Variants in ARHGAP45 observed in about 807,000 individuals in gnomAD.
ARHGAP45 encodes Rho GTPase activating protein 45.
Under a neutral mutation model 116.1 loss-of-function variants are expected in ARHGAP45, and 56 were observed. That is an observed-to-expected ratio of 0.48 (90% CI 0.39 to 0.60). The LOEUF is 0.60. ARHGAP45 is among the 20% of genes least tolerant of loss of function. The pLI, the probability that ARHGAP45 is intolerant of heterozygous loss-of-function variation, is 0.00. For synonymous variants in ARHGAP45, 866 were observed against 701.7 expected (o/e 1.23, Z -3.70); for missense variants, 1,622 against 1,601.0 (o/e 1.01, Z -0.22).
Position 1,067,508 on chromosome 19 carries a change from C to G in ARHGAP45, c.90+13C>G. 6.3e-7 allele frequency: 1 copy of G among 1,585,380 alleles called. No individual in the cohort carries two copies. The highest frequency in any genetic ancestry group is 8.6e-7 in the Non-Finnish European group (1 of 1,166,506). ...GCAGCCCTCGGGGGTGAGTGGAGCC[C>G]GGGTGAGACCCGGAGCTGACGCCGG... On this transcript the variant is annotated intron_variant, in intron 1 of 22. Transcript: ENST00000313093.
Position 1,084,298 on chromosome 19 carries a change from G to C in ARHGAP45, c.3016G>C (p.Glu1006Gln), listed in dbSNP as rs769720722. 10 of 1,612,682 alleles carry C rather than the reference G, an allele frequency of 6.2e-6. No homozygotes were observed. Among genetic ancestry groups the C allele is most frequent in the Admixed American group, 1.7e-5 (1 of 59,838 alleles). ...CCAGGTGCCGTACCTGGAGGCGGGC[G>C]AGGCGGTGGTCTACCCGCTGCAGGA... The part of the protein sequence containing the change: ...VVQVPYLEAG[E>Q]AVVYPLQEAA... The change falls in exon 22 of 23, where the codon GAG (glutamate) becomes CAG (glutamine). Residue 1006 changes from glutamate (E) to glutamine (Q), a missense_variant. By Grantham distance (29) the Glu-to-Gln change is conservative (BLOSUM62 2). Transcript: ENST00000313093.
chr19:1,068,248 G>T lies in ARHGAP45; in HGVS notation c.91-166G>T. Reference sequence around the variant, plus strand: ...TAGGGAAGAGGATGTTGGGTAACAGGTGGGGGGGTACACTACCAAATCTCG... The same window carrying T: ...TAGGGAAGAGGATGTTGGGTAACAGTTGGGGGGGTACACTACCAAATCTCG... On this transcript the variant is annotated intron_variant, in intron 1 of 22. Coordinates refer to ENST00000313093, the MANE Select transcript of ARHGAP45 (RefSeq NM_012292.5). This position sits in a 1 kb window ranked among gnomAD's most constrained non-coding sequence, Gnocchi z 7.5. The T allele has an allele frequency of 1.7e-6, 1 of 597,394 alleles. No individual in the cohort carries two copies. 37.0% of individuals were successfully genotyped at this position (597,394 alleles called of 1,614,324 possible). A position where few individuals can be genotyped will look rare whatever the true frequency, so the allele number is the denominator to read the frequency against.
upstream of ARHGAP45, chr19:1,065,962 G>T: frequency 6.6e-7 from 1 of 1,512,418 alleles, no homozygotes; most frequent in South Asian, 1.2e-5. Context: ...ACAGGCCAGG[G>T]CCGGGCCAGA....
rs1444378035 is a variant in ARHGAP45, at chr19:1,085,953, G to A, written c.3358G>A (p.Gly1120Ser). 9 of 1,612,816 alleles carry A rather than the reference G, an allele frequency of 5.6e-6. No individual in the cohort carries two copies. Among genetic ancestry groups the A allele is most frequent in the Non-Finnish European group, 7.6e-6 (9 of 1,179,940 alleles). Reference protein sequence around the residue: ...QAPLPPMRLRGGRMTLGSCRE... With the variant: ...QAPLPPMRLRSGRMTLGSCRE... ...CCCACTGCCCCCCATGAGGCTCCGT[G>A]GCGGGCGGATGACACTGGGCTCCTG... The change falls in exon 23 of 23, where the codon GGC (glycine) becomes AGC (serine). Residue 1120 changes from glycine to serine, a missense_variant. Gly to Ser is a moderately conservative substitution (Grantham distance 56, BLOSUM62 0). This residue lies in a region of ARHGAP45 where 1,334 missense variants were observed against 1,263.8 expected (regional missense o/e 1.06). Coordinates refer to ENST00000313093, the MANE Select transcript of ARHGAP45 (RefSeq NM_012292.5).
In ARHGAP45 at chr19:1,081,641, A is replaced by G; in HGVS notation, c.2282A>G (p.Gln761Arg). 1 of 1,579,044 alleles carries G rather than the reference A, an allele frequency of 6.3e-7. No homozygotes were observed. ...CAAGGCCGCCTGCAGCTGTTCGGCC[A>G]GGACTTCAGCCACGCGGCCCGCAGC... ...KLQGRLQLFG[Q>R]DFSHAARSAP... Residue 761 changes from glutamine to arginine, a missense_variant, in exon 18 of 23, where the codon CAG becomes CGG. Gln to Arg is a conservative substitution (Grantham distance 43). Around this residue, in one of 3 missense-constraint regions of ARHGAP45, gnomAD observed 1,334 missense variants for 1,263.8 expected, o/e 1.06. Transcript: ENST00000313093.
chr19:1,082,578 C>A, intron 19 of ARHGAP45: 4 of 513,882 alleles, frequency 7.8e-6, no homozygotes, highest in Non-Finnish European at 1.4e-5. Context: ...TGAGTGGAGC[C>A]GGAGCTCGTT....
At chr19:1,074,964 C>A (rs905409939) in intron 10 of ARHGAP45, 85 bp downstream of exon 10, 15 of 1,193,732 alleles carry the variant, frequency 1.3e-5, no homozygotes, top group Non-Finnish European at 1.6e-5. Flanking sequence ...ATAGCGAGGG[C>A]CCTGCGGCGA....
At chr19:1,073,316 C>T (rs367692965) in intron 3 of ARHGAP45, 24 bp downstream of exon 3, 32 of 1,610,618 alleles carry the variant, frequency 2.0e-5, no homozygotes, top group East Asian at 4.5e-5. Flanking sequence ...AACAGGGCTG[C>T]GAGGGCTCTC....
At chr19:1,075,024 G>A in intron 10 of ARHGAP45, 145 bp downstream of exon 10, 1 of 476,924 alleles carries the variant, frequency 2.1e-6, no homozygotes, top group Non-Finnish European at 2.9e-6. Context: ...CGCAGGCTGG[G>A]CCGCCCCCCC....
rs1245108666 is a variant in ARHGAP45, at chr19:1,084,595, G to A, written c.3064+249G>A. ...CTCAGAAACCAGTAACGTGAACGTG[G>A]GGCTGATGCCTTGTGAGGCTCCAGG... is the stretch of plus-strand genomic sequence containing the variant. On this transcript the variant is annotated intron_variant, in intron 22 of 22. Transcript: ENST00000313093. Among the ~76,000 whole-genome samples, 3 of 152,218 alleles carry A rather than the reference G, an allele frequency of 2.0e-5. No individual in the cohort carries two copies. In the East Asian group the frequency reaches 5.8e-4, roughly 29 times the overall value.
At position 1,074,622 on chromosome 19, in the gene ARHGAP45, G is replaced by A; in HGVS notation, c.1002G>A (p.Met334Ile). 1 of 1,590,182 alleles carries A rather than the reference G, an allele frequency of 6.3e-7. No homozygotes were observed. Among genetic ancestry groups the A allele is most frequent in the Non-Finnish European group, 8.6e-7 (1 of 1,168,908 alleles). Residue 334 changes from methionine (M) to isoleucine (I), a missense_variant, in exon 9 of 23, where the codon ATG (methionine) becomes ATA (isoleucine). By Grantham distance (10) the Met-to-Ile change is conservative (BLOSUM62 1). Around this residue, in one of 3 missense-constraint regions of ARHGAP45, gnomAD observed 1,334 missense variants for 1,263.8 expected, o/e 1.06. Coordinates refer to ENST00000313093, the MANE Select transcript of ARHGAP45 (RefSeq NM_012292.5). The part of the protein sequence containing the change: ...CRQSVMQEPH[M>I]PLLSIYSLAL... ...CGGTGCCCCACCCACAGCCCCACAT[G>A]CCGCTCCTGTCCATCTACTCGCTGG...
chr19:1,074,093 G>T lies in ARHGAP45; in HGVS notation c.791-11G>T. On this transcript the variant is annotated splice_polypyrimidine_tract_variant and intron_variant, in intron 6 of 22. Coordinates refer to ENST00000313093, the MANE Select transcript of ARHGAP45 (RefSeq NM_012292.5). ...GTCGGGCCAGGCTGAGCAGGCCCCC[G>T]TTCCCTGCAGGCTGCCTGCCCGCCG... is the stretch of plus-strand genomic sequence containing the variant. 6.2e-7 allele frequency: 1 copy of T among 1,610,708 alleles called. No homozygotes were observed. The highest frequency in any genetic ancestry group is 8.5e-7 in the Non-Finnish European group (1 of 1,178,730).
At position 1,067,259 on chromosome 19, in the gene ARHGAP45, C is replaced by T; in HGVS notation, c.-147C>T. 6 of 1,390,076 alleles carry T rather than the reference C, an allele frequency of 4.3e-6. No homozygotes were observed. The highest frequency in any genetic ancestry group is 3.7e-6 in the Non-Finnish European group (4 of 1,074,788). The allele number at this position is 1,390,076 out of a possible 1,614,324, so 86.1% of individuals were successfully genotyped here. A position where few individuals can be genotyped will look rare whatever the true frequency, so the allele number is the denominator to read the frequency against. ...GCCTTTTCCTGTTGGGGGGAGGGCCCGCCAGTGACGGCCGGGCCTGTCACG... is the reference window on the plus strand; with the variant it reads ...GCCTTTTCCTGTTGGGGGGAGGGCCTGCCAGTGACGGCCGGGCCTGTCACG... On this transcript the variant is annotated 5_prime_UTR_variant, in exon 1 of 23. Coordinates refer to ENST00000313093, the MANE Select transcript of ARHGAP45 (RefSeq NM_012292.5).
In ARHGAP45 at chr19:1,086,281, T is replaced by C. The variant is rs571456504; in HGVS notation, c.*275T>C. On this transcript the variant is annotated 3_prime_UTR_variant, in exon 23 of 23. Coordinates refer to ENST00000313093, the MANE Select transcript of ARHGAP45 (RefSeq NM_012292.5). Reference sequence around the variant, plus strand: ...GTCGTGTGAAGTCACAGTGGCCTTGTTGGTGCCCACAGGGCTGTGTGGATG... The same window carrying C: ...GTCGTGTGAAGTCACAGTGGCCTTGCTGGTGCCCACAGGGCTGTGTGGATG... The C allele has an allele frequency of 1.3e-5, 6 of 444,652 alleles. No homozygotes were observed. The highest frequency in any genetic ancestry group is 8.0e-5 in the East Asian group (2 of 24,856). The allele number at this position is 444,652 out of a possible 1,614,324, so 27.5% of individuals were successfully genotyped here.
At chr19:1,073,838 C>A in intron 5 of ARHGAP45, 92 bp downstream of exon 5, 1 of 1,533,628 alleles carries the variant, frequency 6.5e-7, no homozygotes. Context: ...CCTGCTTCCC[C>A]TGTGCGCCTT....
Position 1,084,350 on chromosome 19 carries a change from A to T in ARHGAP45, c.3064+4A>T, listed in dbSNP as rs772630139. The stretch of plus-strand genomic sequence containing the variant: ...GCGGCGGCGGACGGGTGCAGAGGTG[A>T]GTGTGTGGCTGCCCGAACGGCCCCA... On this transcript the variant is annotated splice_donor_region_variant and intron_variant, in intron 22 of 22. Transcript: ENST00000313093. 7.5e-6 allele frequency: 12 copies of T among 1,599,772 alleles called. No individual in the cohort carries two copies. The highest frequency in any genetic ancestry group is 2.3e-5 in the East Asian group (1 of 44,286).
In ARHGAP45 at chr19:1,080,385, T is replaced by G. The variant is rs779519965; in HGVS notation, c.1828+6T>G. 1.2e-6 allele frequency: 2 copies of G among 1,607,114 alleles called. No homozygotes were observed. Among genetic ancestry groups the G allele is most frequent in the East Asian group, 2.2e-5 (1 of 44,846 alleles). ...ACCTGCCAAGGACCACAGGGGTGAG[T>G]GTCCGGCGGGGCCCAGGGGCGGACG... On this transcript the variant is annotated splice_donor_region_variant and intron_variant, in intron 14 of 22. Coordinates refer to ENST00000313093, the MANE Select transcript of ARHGAP45 (RefSeq NM_012292.5).
intron 11 of ARHGAP45, among the ~76,000 whole-genome samples, chr19:1,078,559 C>T (rs914172063): frequency 6.6e-6 from 1 of 151,076 alleles, no homozygotes; most frequent in East Asian, 2.0e-4. Context: ...AGCCACCCTG[C>T]CACCAAGCCC....
intron 22 of ARHGAP45, 63 bp from the exon 23 acceptor site, chr19:1,085,597 T>TC (rs2043602011): frequency 1.6e-6 from 2 of 1,236,634 alleles, no homozygotes; most frequent in Non-Finnish European, 2.2e-6. Flanking sequence ...TGTCTGTCCC[T>TC]CCCCTTGTCT....
Sources: gnomAD v4.1 joint callset for allele counts (sites outside exome capture counted in the v4.1 genomes callset) on GRCh38, gnomAD v4.1.1 for gene constraint, gnomAD v4.1.1 regional missense constraint, Gnocchi (gnomAD v3.1) non-coding constraint, MANE v1.5 for transcripts, NCBI Gene and HGNC (gene_info 2026-07-23, HGNC 2026-07-21) for gene names.